The following CDC5L variants were observed in gnomAD, a reference collection of about 807,000 sequenced individuals.
CDC5L encodes the protein cell division cycle 5-like protein.
In CDC5L, 18 loss-of-function variants were observed where a neutral mutation model predicts 104.1. The observed-to-expected ratio is 0.17, with a 90% CI of 0.12 to 0.26. The LOEUF is 0.26. CDC5L is among the 10% of genes least tolerant of loss of function. CDC5L has a pLI of 1.00. For missense variants in CDC5L, 673 were observed against 956.9 expected (o/e 0.70, Z 3.91); for synonymous variants, 331 against 322.7 (o/e 1.03, Z -0.28).
chr6:44,403,616 T>C (rs1791232445), intron 5 of CDC5L, among the ~76,000 whole-genome samples, 193 bp from the exon 6 acceptor site: 1 of 152,188 alleles, frequency 6.6e-6, no homozygotes. Flanking sequence ...GTTTTTCTTT[T>C]TGCCTTATTA....
At chr6:44,398,538 A>G (rs908456755) in intron 5 of CDC5L, among the ~76,000 whole-genome samples, 3 of 152,210 alleles carry the variant, frequency 2.0e-5, no homozygotes, top group African/African-American at 7.2e-5. Flanking sequence ...TGCAAAGTGC[A>G]GGGCAGGGCT....
At chr6:44,429,075 G>T (rs1271945120) in intron 13 of CDC5L, among the ~76,000 whole-genome samples, 1 of 142,578 alleles carries the variant, frequency 7.0e-6, no homozygotes, top group Non-Finnish European at 1.5e-5. Flanking sequence ...AGGCTGGGGT[G>T]CAGTGGCACG....
At position 44,446,610 on chromosome 6, in the gene CDC5L, C is replaced by T; in HGVS notation, c.2308C>T (p.Leu770=). 3 of 1,528,104 alleles carry T rather than the reference C, an allele frequency of 2.0e-6. No individual in the cohort carries two copies. Among genetic ancestry groups the T allele is most frequent in the African/African-American group, 1.4e-5 (1 of 71,370 alleles). The allele number at this position is 1,528,104 out of a possible 1,614,324, so 94.7% of individuals were successfully genotyped here. A position where few individuals can be genotyped will look rare whatever the true frequency, so the allele number is the denominator to read the frequency against. ...DSAIPRRLEC[L]KEDVQRQQER... is the part of the protein sequence containing the mutation. ...TACTTAATTTTTTTTCTTTAAGTGT[C>T]TAAAAGAAGACGTTCAGCGACAACA... The change falls in exon 16 of 16, where the codon CTA becomes TTA. Residue 770 remains leucine, a synonymous_variant. Coordinates refer to ENST00000371477, the MANE Select transcript of CDC5L (RefSeq NM_001253.4).
chr6:44,444,607 G>A (rs1251604869), intron 14 of CDC5L, among the ~76,000 whole-genome samples: 1 of 152,052 alleles, frequency 6.6e-6, no homozygotes, highest in Admixed American at 6.5e-5. Context: ...AGAGTATGCA[G>A]TTATAAACCC....
At chr6:44,411,497 A>G (rs1256444871) in intron 8 of CDC5L, among the ~76,000 whole-genome samples, 1 of 152,002 alleles carries the variant, frequency 6.6e-6, no homozygotes, top group East Asian at 1.9e-4. Flanking sequence ...CTCTATTTTC[A>G]TAGTGATAAT....
At chr6:44,445,609 C>A in intron 14 of CDC5L, 46 bp from the exon 15 acceptor site, 1 of 1,403,930 alleles carries the variant, frequency 7.1e-7, no homozygotes, top group Non-Finnish European at 9.9e-7. Flanking sequence ...TATTTAATAG[C>A]CTGCTTTTCT....
chr6:44,423,286 T>C (rs1349190850), intron 10 of CDC5L, among the ~76,000 whole-genome samples: 7 of 152,192 alleles, frequency 4.6e-5, no homozygotes, highest in Non-Finnish European at 8.8e-5. Context: ...CAAATTGATA[T>C]CAACTAAAGC....
intron 2 of CDC5L, 48 bp downstream of exon 2, chr6:44,390,419 G>T (rs372064728): frequency 2.6e-6 from 3 of 1,169,946 alleles, no homozygotes; most frequent in Non-Finnish European, 3.8e-6. Flanking sequence ...GCTTAATTAT[G>T]ATGATGGAAA....
intron 1 of CDC5L, 29 bp from the exon 2 acceptor site, chr6:44,390,239 T>G (rs760478246): frequency 6.9e-7 from 1 of 1,441,256 alleles, no homozygotes; most frequent in South Asian, 1.1e-5. Flanking sequence ...GTTTTGTGAC[T>G]GAATGTACTC....
chr6:44,424,997 T>C (rs1450303661), intron 11 of CDC5L, among the ~76,000 whole-genome samples: 1 of 152,178 alleles, frequency 6.6e-6, no homozygotes, highest in Non-Finnish European at 1.5e-5. Flanking sequence ...GAGGATTCTT[T>C]GGGCCCAGGA....
At chr6:44,445,389 G>T (rs192631896) in intron 14 of CDC5L, among the ~76,000 whole-genome samples, 1 of 152,268 alleles carries the variant, frequency 6.6e-6, no homozygotes, top group East Asian at 1.9e-4. Flanking sequence ...CCCATACTGT[G>T]ACATTCAAGC....
chr6:44,413,207 C>T (rs1791735338), intron 8 of CDC5L, among the ~76,000 whole-genome samples: 1 of 152,130 alleles, frequency 6.6e-6, no homozygotes, highest in Admixed American at 6.5e-5. Flanking sequence ...TATAGAGTTC[C>T]CTATTCTGCA....
Position 44,393,585 on chromosome 6 carries a change from CTTTGAGGAATTTAT to C in CDC5L, c.439+15_439+28del. 2 of 1,605,520 alleles carry C rather than the reference CTTTGAGGAATTTAT, an allele frequency of 1.2e-6. No homozygotes were observed. Among genetic ancestry groups the C allele is most frequent in the South Asian group, 2.2e-5 (2 of 89,920 alleles). On this transcript the variant is annotated intron_variant, in intron 4 of 15. Coordinates refer to ENST00000371477, the MANE Select transcript of CDC5L (RefSeq NM_001253.4). ...TGATATGGATGAGGGTAAGTGTATG[CTTTGAGGAATTTAT>C]TTCTTTGGTAACTGTAAACTCCTTG...
chr6:44,398,516 G>A (rs1005111781), intron 5 of CDC5L, among the ~76,000 whole-genome samples: 5 of 152,298 alleles, frequency 3.3e-5, no homozygotes, highest in African/African-American at 1.2e-4. Context: ...TAACAGGCTG[G>A]AATGGCCTCT....
At chr6:44,409,036 A>G (rs1395331480) in intron 8 of CDC5L, among the ~76,000 whole-genome samples, 2 of 152,220 alleles carry the variant, frequency 1.3e-5, no homozygotes, top group Admixed American at 6.5e-5. Flanking sequence ...TGGGGTAGAC[A>G]CAGCTTTGTG....
At chr6:44,424,087 A>G (rs892089447) in intron 10 of CDC5L, among the ~76,000 whole-genome samples, 1 of 152,114 alleles carries the variant, frequency 6.6e-6, no homozygotes, top group Non-Finnish European at 1.5e-5. Context: ...TCTAGAATTA[A>G]TATTAGGCTG....
intron 8 of CDC5L, among the ~76,000 whole-genome samples, chr6:44,417,218 C>T (rs1454702982): frequency 6.6e-6 from 1 of 151,998 alleles, no homozygotes; most frequent in Non-Finnish European, 1.5e-5. Flanking sequence ...TGTTGTCTTT[C>T]CATGTCTGGT....
intron 14 of CDC5L, among the ~76,000 whole-genome samples, chr6:44,442,377 G>T (rs925693988): frequency 1.7e-4 from 16 of 94,422 alleles, no homozygotes; most frequent in Non-Finnish European, 2.8e-4. Context: ...TGTGTATGTT[G>T]TGTGTGTGTG....
chr6:44,408,331 GGCTCAA>G (rs1306744633), intron 7 of CDC5L, 107 bp from the exon 8 acceptor site: 1 of 666,894 alleles, frequency 1.5e-6, no homozygotes, highest in East Asian at 3.0e-5. Flanking sequence ...CGAACTCCTG[GGCTCAA>G]ACAGTTTGCC....
Sources: gnomAD v4.1 joint callset for allele counts (sites outside exome capture counted in the v4.1 genomes callset) on GRCh38, gnomAD v4.1.1 for gene constraint, MANE v1.5 for transcripts, NCBI Gene and HGNC (gene_info 2026-07-23, HGNC 2026-07-21) for gene names.